Variants in PRPF8 observed in about 807,000 individuals in gnomAD.
PRPF8 encodes the protein pre-mRNA processing factor 8.
PRPF8 carries 64 observed loss-of-function variants against 285.9 expected under a neutral mutation model. The observed-to-expected ratio is 0.22, with a 90% CI of 0.18 to 0.28. PRPF8 has a LOEUF of 0.28. Among genes scored for constraint, PRPF8 ranks in the 10% least tolerant of loss-of-function variants. The pLI is 1.00. For synonymous variants in PRPF8, 1,325 were observed against 1,118.2 expected, an observed-to-expected ratio of 1.18 and a Z score of -3.69; for missense variants, 1,426 against 3,026.7, an observed-to-expected ratio of 0.47 and a Z score of 12.41.
rs745975141 is a variant in PRPF8, at chr17:1,675,139, G to A, written c.3060+13C>T. ...TCCACACACAATTCCATGCTACTGC[G>A]CCTGAGACGCACCTTATAGTTGATG... On this transcript the variant is annotated intron_variant, in intron 20 of 42. Coordinates refer to ENST00000304992, the MANE Select transcript of PRPF8 (RefSeq NM_006445.4). The surrounding 1 kb of genome is among the most constrained non-coding windows in gnomAD (Gnocchi z 6.0). 1.6e-5 allele frequency: 26 copies of A among 1,612,718 alleles called. No homozygotes were observed. Among genetic ancestry groups the A allele is most frequent in the East Asian group, 8.9e-5 (4 of 44,900 alleles).
intron 12 of PRPF8, 54 bp downstream of exon 12, chr17:1,678,708 C>T: frequency 6.2e-7 from 1 of 1,614,172 alleles, no homozygotes; most frequent in Non-Finnish European, 8.5e-7. Flanking sequence ...ACGGTCAGCA[C>T]AGGCTTCCTC....
chr17:1,655,226 G>A, intron 37 of PRPF8, 124 bp downstream of exon 37: 1 of 1,083,320 alleles, frequency 9.2e-7, no homozygotes, highest in African/African-American at 1.6e-5. Flanking sequence ...CCAAAGTGCT[G>A]GGATTACAGG....
Position 1,674,707 on chromosome 17 carries a change from A to C in PRPF8, c.3061-27T>G, listed in dbSNP as rs192623019. ...TAGAAAGAAAGAACTACAATTCTTA[A>C]GAATGTGAGCCATGCCCCAGGATTC... is the stretch of plus-strand genomic sequence containing the variant. On this transcript the variant is annotated intron_variant, in intron 20 of 42. Transcript: ENST00000304992. The C allele has an allele frequency of 2.3e-3, 3,709 of 1,599,918 alleles. 3 individuals are homozygous for C. Among genetic ancestry groups the C allele is most frequent in the Non-Finnish European group, 2.9e-3 (3,332 of 1,167,408 alleles).
In PRPF8 at chr17:1,650,821, C is replaced by A; in HGVS notation, c.6989G>T (p.Arg2330Leu). ...AAACGGTCAGGCATACAGGTCCTCCCGATCCGCAGAGTAAACCTCCCCCTC... is the reference window on the plus strand; with the variant it reads ...AAACGGTCAGGCATACAGGTCCTCCAGATCCGCAGAGTAAACCTCCCCCTC... Reference protein sequence around the residue: ...LQEGEVYSADREDLYA With the variant: ...LQEGEVYSADLEDLYA The change falls in exon 43 of 43, where the codon CGG becomes CTG. Residue 2330 changes from arginine (R) to leucine (L), a missense_variant. Physicochemically the swap from Arg to Leu is moderately radical, Grantham distance 102 (BLOSUM62 -2). This residue lies in a region of PRPF8 where 59 missense variants were observed against 58.6 expected (regional missense o/e 1.01). Transcript: ENST00000304992. 6.2e-7 allele frequency: 1 copy of A among 1,614,072 alleles called. No homozygotes were observed. The highest frequency in any genetic ancestry group is 8.5e-7 in the Non-Finnish European group (1 of 1,180,012).
At chr17:1,682,092 C>G in intron 4 of PRPF8, 37 bp downstream of exon 4, 1 of 1,613,326 alleles carries the variant, frequency 6.2e-7, no homozygotes, top group South Asian at 1.1e-5. Flanking sequence ...CCAACCACCA[C>G]CACCACCACC....
chr17:1,653,304 T>C lies in PRPF8; in HGVS notation c.6369+238A>G. The C allele has an allele frequency of 4.8e-6, 3 of 627,338 alleles. No homozygotes were observed. Among genetic ancestry groups the C allele is most frequent in the Non-Finnish European group, 8.5e-6 (3 of 351,570 alleles). 38.9% of individuals were successfully genotyped at this position (627,338 alleles called of 1,614,324 possible). On this transcript the variant is annotated intron_variant, in intron 39 of 42. Coordinates refer to ENST00000304992, the MANE Select transcript of PRPF8 (RefSeq NM_006445.4). The surrounding 1 kb of genome is among the most constrained non-coding windows in gnomAD (Gnocchi z 4.9). ...GGTCAGGAATTTGTTTCTGACCATA[T>C]CTGTTCTCTTCCAAATACTATCAGG...
intron 29 of PRPF8, 31 bp from the exon 30 acceptor site, chr17:1,660,609 G>T: frequency 6.2e-7 from 1 of 1,614,206 alleles, no homozygotes; most frequent in African/African-American, 1.3e-5. Context: ...TGACATTAGA[G>T]ATCAAGAGAC....
rs772161775 is a variant in PRPF8, at chr17:1,653,532, A to T, written c.6369+10T>A. The T allele has an allele frequency of 1.2e-6, 2 of 1,614,152 alleles. No homozygotes were observed. ...CACACACTGTGGCCTAGCTGAGTCCACTTACTCACTTGGGCCCGAAGGTCA... is the reference window on the plus strand; with the variant it reads ...CACACACTGTGGCCTAGCTGAGTCCTCTTACTCACTTGGGCCCGAAGGTCA... On this transcript the variant is annotated intron_variant, in intron 39 of 42. Coordinates refer to ENST00000304992, the MANE Select transcript of PRPF8 (RefSeq NM_006445.4). This position sits in a 1 kb window ranked among gnomAD's most constrained non-coding sequence, Gnocchi z 4.9.
Position 1,665,356 on chromosome 17 carries a change from G to A in PRPF8, c.3775-3203C>T, listed in dbSNP as rs976632191. On this transcript the variant is annotated intron_variant, in intron 24 of 42. Coordinates refer to ENST00000304992, the MANE Select transcript of PRPF8 (RefSeq NM_006445.4). Reference sequence around the variant, plus strand: ...AGATCAAGACCATCCCAGCTAACACGGTGAAACCCGTCTCTACTACAAATA... The same window carrying A: ...AGATCAAGACCATCCCAGCTAACACAGTGAAACCCGTCTCTACTACAAATA... Among the ~76,000 whole-genome samples, 10 of 151,190 alleles carry A rather than the reference G, an allele frequency of 6.6e-5. No homozygotes were observed. In the South Asian group the frequency reaches 1.0e-3, roughly 16 times the overall value.
rs1215969069 is a variant in PRPF8, at chr17:1,674,459, G to A, written c.3282C>T (p.Arg1094=). 4 of 1,614,164 alleles carry A rather than the reference G, an allele frequency of 2.5e-6. No homozygotes were observed. In the East Asian group the frequency reaches 8.9e-5, roughly 36 times the overall value. The change falls in exon 21 of 43, where the codon CGC becomes CGT. Residue 1094 remains arginine, a synonymous_variant. Transcript: ENST00000304992. ...PIRLFCRYID[R]IHIFFRFTAD... ...GCCCTCACCTGAAAAAAATATGGAT[G>A]CGATCAATGTATCTGCAGAAGAGAC...
At chr17:1,672,986 A>T in intron 24 of PRPF8, 95 bp downstream of exon 24, 1 of 1,154,618 alleles carries the variant, frequency 8.7e-7, no homozygotes, top group Non-Finnish European at 1.3e-6. Context: ...CAAAGAAGAG[A>T]AGGAAGCAGC....
At position 1,660,595 on chromosome 17, in the gene PRPF8, A is replaced by C. The variant is rs73976249; in HGVS notation, c.4639-17T>G. On this transcript the variant is annotated splice_polypyrimidine_tract_variant and intron_variant, in intron 29 of 42. Transcript: ENST00000304992. ...TACATATACCTGCCAGGAAAACGAC[A>C]ATGTGACATTAGAGATCAAGAGACT... is the stretch of plus-strand genomic sequence containing the variant. The C allele has an allele frequency of 0.012, 18,903 of 1,614,178 alleles. 1,029 individuals are homozygous for C. The African/African-American group carries it at 0.15, about 13-fold the overall frequency.
rs1039717110 is a variant in PRPF8, at chr17:1,651,999, G to A, written c.6370-211C>T. 7 of 664,680 alleles carry A rather than the reference G, an allele frequency of 1.1e-5. No homozygotes were observed. Among genetic ancestry groups the A allele is most frequent in the African/African-American group, 8.9e-5 (5 of 55,946 alleles). 41.2% of individuals were successfully genotyped at this position (664,680 alleles called of 1,614,324 possible). ...GACTTACCACATCAGAATCTCCTGA[G>A]TGGGGTCCAGGAATCTGCACTGCTC... is the stretch of plus-strand genomic sequence containing the variant. On this transcript the variant is annotated intron_variant, in intron 39 of 42. Coordinates refer to ENST00000304992, the MANE Select transcript of PRPF8 (RefSeq NM_006445.4). This position sits in a 1 kb window ranked among gnomAD's most constrained non-coding sequence, Gnocchi z 5.1.
Position 1,653,968 on chromosome 17 carries a change from C to A in PRPF8, c.6036G>T (p.Leu2012=). The A allele has an allele frequency of 6.2e-7, 1 of 1,614,196 alleles. No homozygotes were observed. Among genetic ancestry groups the A allele is most frequent in the Non-Finnish European group, 8.5e-7 (1 of 1,180,038 alleles). Residue 2012 remains leucine, a synonymous_variant, in exon 38 of 43, where the codon CTG becomes CTT. Coordinates refer to ENST00000304992, the MANE Select transcript of PRPF8 (RefSeq NM_006445.4). The surrounding 1 kb of genome is among the most constrained non-coding windows in gnomAD (Gnocchi z 4.9). ...LTQSEIRDII[L]GMEISAPSQQ... ...GTGACGGTGCCGAGATCTCCATACC[C>A]AGGATGATGTCTCGAATTTCTGATT...
chr17:1,675,738 A>G lies in PRPF8; in HGVS notation c.2754T>C (p.Thr918=). The change falls in exon 19 of 43, where the codon ACT becomes ACC. Residue 918 remains threonine (T), a synonymous_variant. Coordinates refer to ENST00000304992, the MANE Select transcript of PRPF8 (RefSeq NM_006445.4). This position sits in a 1 kb window ranked among gnomAD's most constrained non-coding sequence, Gnocchi z 6.0. The part of the protein sequence containing the change: ...VYDVEPLEKI[T]DAYLDQYLWY... The stretch of plus-strand genomic sequence containing the variant: ...ACAGGTACTGGTCCAGGTAAGCATC[A>G]GTTATCTTCTCCAGGGGCTCAACAT... 1 of 1,614,160 alleles carries G rather than the reference A, an allele frequency of 6.2e-7. No homozygotes were observed. The highest frequency in any genetic ancestry group is 8.5e-7 in the Non-Finnish European group (1 of 1,180,036).
chr17:1,669,618 C>T (rs1912198677), intron 24 of PRPF8, among the ~76,000 whole-genome samples: 3 of 152,200 alleles, frequency 2.0e-5, no homozygotes, highest in Admixed American at 2.0e-4. Flanking sequence ...CATCTGGCTT[C>T]CATCCCTACT....
intron 24 of PRPF8, among the ~76,000 whole-genome samples, chr17:1,668,354 CTT>C (rs970795981): frequency 5.2e-4 from 55 of 105,574 alleles, no homozygotes; most frequent in African/African-American, 1.2e-3. Flanking sequence ...GTCTAGCATT[CTT>C]TTTTTTTTTT....
intron 24 of PRPF8, among the ~76,000 whole-genome samples, chr17:1,665,713 G>A (rs759377265): frequency 1.3e-5 from 2 of 151,794 alleles, no homozygotes; most frequent in Non-Finnish European, 2.9e-5. Flanking sequence ...GGGTGCGGTG[G>A]CAGGCATCTG....
chr17:1,684,399 G>A (rs1019456097), intron 2 of PRPF8, 73 bp downstream of exon 2: 19 of 1,498,540 alleles, frequency 1.3e-5, no homozygotes, highest in Non-Finnish European at 1.8e-5. Flanking sequence ...AACGGGGAGG[G>A]TCCCCACCCG....
Sources: gnomAD v4.1 joint callset for allele counts (sites outside exome capture counted in the v4.1 genomes callset) on GRCh38, gnomAD v4.1.1 for gene constraint, gnomAD v4.1.1 regional missense constraint, Gnocchi (gnomAD v3.1) non-coding constraint, MANE v1.5 for transcripts, NCBI Gene and HGNC (gene_info 2026-07-23, HGNC 2026-07-21) for gene names.